The following GRID2 variants were observed in gnomAD, a reference collection of about 807,000 sequenced individuals.
The protein encoded by GRID2 is glutamate receptor ionotropic, delta-2.
A neutral mutation model predicts 114.8 loss-of-function variants in GRID2; 33 were observed. The ratio of observed to expected loss-of-function variants is 0.29; its 90% confidence interval spans 0.22 to 0.38. The LOEUF (loss-of-function observed/expected upper bound fraction) is 0.38. GRID2 is among the 10% of genes least tolerant of loss of function. GRID2 has a pLI of 1.00. For synonymous variants in GRID2, 505 were observed against 449.9 expected, an observed-to-expected ratio of 1.12 and a Z score of -1.55; for missense variants, 1,184 against 1,257.7, an observed-to-expected ratio of 0.94 and a Z score of 0.89.
intron 2 of GRID2, among the ~76,000 whole-genome samples, chr4:92,960,760 T>A (rs575212534): frequency 6.6e-6 from 1 of 151,840 alleles, no homozygotes; most frequent in Non-Finnish European, 1.5e-5. Flanking sequence ...TGGGTTAATA[T>A]TTATCTTATT....
intron 8 of GRID2, among the ~76,000 whole-genome samples, chr4:93,377,778 G>C (rs2149303063): frequency 1.3e-5 from 2 of 151,994 alleles, no homozygotes; most frequent in Non-Finnish European, 2.9e-5. Flanking sequence ...ATCTCTGCCA[G>C]AATCAAAATG....
rs181755041 is a variant in GRID2, at chr4:92,625,166, A to G, written c.244+34880A>G. ...GTTATCTTGATTCCTGAGAGCTTACATTATTAAATCTTAGAATGCTTGACT... is the reference window on the plus strand; with the variant it reads ...GTTATCTTGATTCCTGAGAGCTTACGTTATTAAATCTTAGAATGCTTGACT... On this transcript the variant is annotated intron_variant, in intron 2 of 15. Coordinates refer to ENST00000282020, the MANE Select transcript of GRID2 (RefSeq NM_001510.4). Among the ~76,000 whole-genome samples the G allele has an allele frequency of 7.2e-5, 11 of 151,920 alleles. No individual in the cohort carries two copies. In the East Asian group the frequency reaches 1.7e-3, roughly 24 times the overall value.
chr4:93,305,402 T>A (rs541293929), intron 8 of GRID2, among the ~76,000 whole-genome samples: 1 of 152,144 alleles, frequency 6.6e-6, no homozygotes, highest in African/African-American at 2.4e-5. Context: ...AGTCCATGGG[T>A]TAGAGGAAAG....
intron 1 of GRID2, among the ~76,000 whole-genome samples, chr4:92,518,125 C>G (rs1051294243): frequency 2.0e-5 from 3 of 151,916 alleles, no homozygotes; most frequent in South Asian, 2.1e-4. Context: ...CTCTCTTTCT[C>G]TCTCCCTTTT....
intron 14 of GRID2, among the ~76,000 whole-genome samples, chr4:93,749,947 A>G (rs1473933638): frequency 6.6e-6 from 1 of 152,262 alleles, no homozygotes; most frequent in Non-Finnish European, 1.5e-5. Flanking sequence ...CTGAATTGCT[A>G]CAGAGTGAAC....
chr4:93,272,920 T>C (rs1341412827), intron 8 of GRID2, among the ~76,000 whole-genome samples: 1 of 152,198 alleles, frequency 6.6e-6, no homozygotes, highest in African/African-American at 2.4e-5. Context: ...AATTGTTTGC[T>C]ACATGGAGGG....
At chr4:93,471,889 G>A (rs554228487) in intron 11 of GRID2, among the ~76,000 whole-genome samples, 3 of 148,218 alleles carry the variant, frequency 2.0e-5, no homozygotes, top group East Asian at 2.0e-4. Context: ...TAGGAGAGAC[G>A]GGGTTTCCCC....
At chr4:92,564,138 C>T (rs1344065347) in intron 1 of GRID2, among the ~76,000 whole-genome samples, 1 of 151,904 alleles carries the variant, frequency 6.6e-6, no homozygotes, top group East Asian at 1.9e-4. Context: ...TAGTCCTAGT[C>T]TATACACCAA....
intron 2 of GRID2, among the ~76,000 whole-genome samples, chr4:92,782,124 C>A (rs564782627): frequency 6.6e-6 from 1 of 151,990 alleles, no homozygotes; most frequent in East Asian, 1.9e-4. Context: ...AATGTATATA[C>A]GAAAATGCAT....
chr4:92,384,616 T>TTATATATTATATATAA (rs1342017757), intron 1 of GRID2, among the ~76,000 whole-genome samples: 1 of 58,018 alleles, frequency 1.7e-5, no homozygotes, highest in Non-Finnish European at 3.3e-5. Flanking sequence ...ATAATATATG[T>TTATATATTATATATAA]TATATATTAT....
chr4:93,569,641 A>G (rs1441489993), intron 13 of GRID2, among the ~76,000 whole-genome samples: 1 of 152,170 alleles, frequency 6.6e-6, no homozygotes, highest in Non-Finnish European at 1.5e-5. Flanking sequence ...CTATATCTAC[A>G]GTTGTTTACA....
chr4:93,624,634 A>C (rs79125464), intron 13 of GRID2, among the ~76,000 whole-genome samples: 1 of 152,170 alleles, frequency 6.6e-6, no homozygotes, highest in Admixed American at 6.5e-5. Flanking sequence ...CCCCAGTAAC[A>C]TTTCTAATAC....
intron 2 of GRID2, among the ~76,000 whole-genome samples, chr4:92,631,728 C>T (rs1184181086): frequency 6.6e-6 from 1 of 152,106 alleles, no homozygotes; most frequent in Non-Finnish European, 1.5e-5. Context: ...CTATCTTCAA[C>T]TCTGCATGGA....
At position 92,360,664 on chromosome 4, in the gene GRID2, A is replaced by G. The variant is rs527980641; in HGVS notation, c.88+55920A>G. Among the ~76,000 whole-genome samples the G allele has an allele frequency of 2.0e-4, 31 of 152,064 alleles. No homozygotes were observed. The East Asian group carries it at 5.1e-3, about 25-fold the overall frequency. On this transcript the variant is annotated intron_variant, in intron 1 of 15. Transcript: ENST00000282020. ...GCTTCATAAGATTAGTGATGTTTGA[A>G]TGGAGTCTTGAAAGATAAGAAGGAA... is the stretch of plus-strand genomic sequence containing the variant.
intron 4 of GRID2, among the ~76,000 whole-genome samples, chr4:93,149,639 T>C (rs2149395471): frequency 6.6e-6 from 1 of 151,662 alleles, no homozygotes; most frequent in African/African-American, 2.4e-5. Flanking sequence ...TTTATTTATG[T>C]ATTTATTTAT....
intron 8 of GRID2, among the ~76,000 whole-genome samples, chr4:93,359,154 C>A (rs2870700): frequency 1.3e-5 from 2 of 152,038 alleles, no homozygotes; most frequent in African/African-American, 4.8e-5. Flanking sequence ...TCAAATGTGT[C>A]TCTGACATCC....
At chr4:92,325,438 T>A (rs1041774474) in intron 1 of GRID2, among the ~76,000 whole-genome samples, 8 of 151,868 alleles carry the variant, frequency 5.3e-5, no homozygotes, top group African/African-American at 1.9e-4. Context: ...ATATAATAAA[T>A]GTAATAGACT....
At chr4:93,210,260 A>G (rs1335707771) in intron 5 of GRID2, among the ~76,000 whole-genome samples, 1 of 152,038 alleles carries the variant, frequency 6.6e-6, no homozygotes, top group Non-Finnish European at 1.5e-5. Context: ...TAATTTTTGT[A>G]TATGGTATAA....
chr4:92,633,372 G>A (rs1730904937), intron 2 of GRID2, among the ~76,000 whole-genome samples: 1 of 152,086 alleles, frequency 6.6e-6, no homozygotes, highest in South Asian at 2.1e-4. Flanking sequence ...AGAGCAAATG[G>A]TGCATTTTAG....
Sources: gnomAD v4.1 joint callset for allele counts (sites outside exome capture counted in the v4.1 genomes callset) on GRCh38, gnomAD v4.1.1 for gene constraint, MANE v1.5 for transcripts, NCBI Gene and HGNC (gene_info 2026-07-23, HGNC 2026-07-21) for gene names.